CSMD1: variants seen among roughly 807,000 people sequenced by gnomAD.
CSMD1 encodes CUB and sushi domain-containing protein 1.
Under a neutral mutation model 417.5 loss-of-function variants are expected in CSMD1, and 213 were observed. That is an observed-to-expected ratio of 0.51 (90% CI 0.46 to 0.57). The LOEUF is 0.57. CSMD1 is among the 20% of genes least tolerant of loss of function. CSMD1 has a pLI of 0.00. For synonymous variants in CSMD1, 2,862 were observed against 1,736.8 expected (o/e 1.65, Z -16.11); for missense variants, 6,923 against 4,529.7 (o/e 1.53, Z -15.17).
chr8:3,380,395 A>G (rs1810559684), intron 18 of CSMD1, among the ~76,000 whole-genome samples: 1 of 152,224 alleles, frequency 6.6e-6, no homozygotes, highest in Non-Finnish European at 1.5e-5. Flanking sequence ...CTGGGTATGT[A>G]CCCAAAGGAT....
At chr8:3,777,023 G>A (rs1226738469) in intron 5 of CSMD1, among the ~76,000 whole-genome samples, 1 of 151,410 alleles carries the variant, frequency 6.6e-6, no homozygotes, top group Non-Finnish European at 1.5e-5. Flanking sequence ...CTTAAATGCT[G>A]GAGGATTTAA....
chr8:3,813,723 T>C (rs1485631408), intron 5 of CSMD1, among the ~76,000 whole-genome samples: 2 of 152,224 alleles, frequency 1.3e-5, no homozygotes, highest in African/African-American at 2.4e-5. Context: ...CTATACCAAA[T>C]GGTCCATGGT....
chr8:3,118,302 A>G, intron 42 of CSMD1, 97 bp downstream of exon 42: 1 of 829,008 alleles, frequency 1.2e-6, no homozygotes, highest in East Asian at 2.7e-5. Context: ...TATTTATTGA[A>G]TACATTAATA....
chr8:4,111,331 A>G (rs6558848), intron 3 of CSMD1, among the ~76,000 whole-genome samples: 150,661 of 152,284 alleles, frequency 0.99, 74,555 homozygotes, highest in East Asian at 1. Context: ...ATCTGCTGTT[A>G]CGAAAAAAGA....
chr8:3,527,425 AT>A (rs1397491339), intron 10 of CSMD1, among the ~76,000 whole-genome samples: 1 of 152,168 alleles, frequency 6.6e-6, no homozygotes, highest in African/African-American at 2.4e-5. Flanking sequence ...TGGGAACTAG[AT>A]TAGAGGTTGC....
chr8:4,256,750 C>T (rs199524581), intron 3 of CSMD1, among the ~76,000 whole-genome samples: 1 of 152,102 alleles, frequency 6.6e-6, no homozygotes, highest in Non-Finnish European at 1.5e-5. Context: ...CAGTGAGGTA[C>T]AGGGCAGTGC....
intron 3 of CSMD1, among the ~76,000 whole-genome samples, chr8:4,272,894 T>C (rs1430682450): frequency 1.3e-5 from 2 of 152,294 alleles, no homozygotes; most frequent in Non-Finnish European, 1.5e-5. Flanking sequence ...AGTTGTAGCT[T>C]TAGCTTCTCA....
chr8:4,158,088 CCTTT>C (rs1380468839), intron 3 of CSMD1, among the ~76,000 whole-genome samples: 1 of 110,996 alleles, frequency 9.0e-6, no homozygotes, highest in African/African-American at 3.0e-5. Context: ...ACAAGAAAAC[CCTTT>C]TTTTTTTTTT....
intron 3 of CSMD1, among the ~76,000 whole-genome samples, chr8:4,161,598 A>T (rs1797173449): frequency 6.6e-6 from 1 of 152,170 alleles, no homozygotes; most frequent in Non-Finnish European, 1.5e-5. Flanking sequence ...ATTTTGATCT[A>T]TACCTGTTAA....
intron 17 of CSMD1, among the ~76,000 whole-genome samples, chr8:3,387,966 G>C (rs1811114212): frequency 6.6e-6 from 1 of 151,974 alleles, no homozygotes; most frequent in Non-Finnish European, 1.5e-5. Context: ...TTTCTTCTTG[G>C]AAAATCAATG....
chr8:4,550,410 G>C (rs543886302), intron 2 of CSMD1, among the ~76,000 whole-genome samples: 1 of 151,002 alleles, frequency 6.6e-6, no homozygotes, highest in East Asian at 2.0e-4. Context: ...CACTAGCTTA[G>C]ATGACTCATT....
At chr8:3,308,184 A>T in intron 24 of CSMD1, 128 bp downstream of exon 24, 1 of 715,930 alleles carries the variant, frequency 1.4e-6, no homozygotes, top group Non-Finnish European at 2.3e-6. Flanking sequence ...ATCTCAGAAT[A>T]CATAAAACTC....
intron 2 of CSMD1, among the ~76,000 whole-genome samples, chr8:4,465,896 C>T (rs887468508): frequency 2.0e-5 from 3 of 152,146 alleles, no homozygotes. Flanking sequence ...ACTCACTGCA[C>T]TAACAAACTC....
At chr8:4,145,306 T>C (rs1054117822) in intron 3 of CSMD1, among the ~76,000 whole-genome samples, 5 of 151,202 alleles carry the variant, frequency 3.3e-5, no homozygotes, top group South Asian at 2.1e-4. Context: ...GAGAACTTTA[T>C]GGTACTCACC....
intron 4 of CSMD1, among the ~76,000 whole-genome samples, chr8:4,018,288 G>A (rs959072819): frequency 6.6e-6 from 1 of 151,878 alleles, no homozygotes; most frequent in Non-Finnish European, 1.5e-5. Context: ...TATCTTTTGG[G>A]ATTACAGTCT....
intron 10 of CSMD1, among the ~76,000 whole-genome samples, chr8:3,556,674 G>A (rs900560773): frequency 6.6e-6 from 1 of 151,764 alleles, no homozygotes; most frequent in African/African-American, 2.4e-5. Flanking sequence ...TGGTAATTGC[G>A]TCTCTCTACT....
intron 3 of CSMD1, among the ~76,000 whole-genome samples, chr8:4,046,989 C>T (rs1233700810): frequency 6.6e-6 from 1 of 152,136 alleles, no homozygotes; most frequent in Non-Finnish European, 1.5e-5. Context: ...TTTCCAGAAC[C>T]CTCCCTGATG....
intron 40 of CSMD1, among the ~76,000 whole-genome samples, chr8:3,144,493 T>G (rs192462612): frequency 9.7e-4 from 148 of 152,230 alleles, no homozygotes; most frequent in African/African-American, 3.5e-3. Flanking sequence ...GAATTCTTTT[T>G]AGAATGAGTA....
intron 36 of CSMD1, among the ~76,000 whole-genome samples, chr8:3,182,374 C>T (rs1259324865): frequency 6.6e-6 from 1 of 152,090 alleles, no homozygotes; most frequent in African/African-American, 2.4e-5. Context: ...TCCACCATGT[C>T]CTGCTAAGTT....
Sources: allele counts gnomAD v4.1 joint callset (sites outside exome capture counted in the v4.1 genomes callset), GRCh38; gene constraint gnomAD v4.1.1; transcripts MANE v1.5; gene names NCBI Gene and HGNC (gene_info 2026-07-23, HGNC 2026-07-21).